The following UQCRC1 variants were observed in gnomAD, a reference collection of about 807,000 sequenced individuals.
The protein encoded by UQCRC1 is cytochrome b-c1 complex subunit 1, mitochondrial.
A neutral mutation model predicts 58.0 loss-of-function variants in UQCRC1; 34 were observed. The ratio of observed to expected loss-of-function variants is 0.59; its 90% CI spans 0.45 to 0.78. The LOEUF is 0.78. Among genes scored for constraint, UQCRC1 ranks in the 30% least tolerant of loss-of-function variants. The pLI is 0.00. For missense variants in UQCRC1, 610 were observed against 646.0 expected (o/e 0.94, Z 0.60); for synonymous variants, 276 against 248.8 (o/e 1.11, Z -1.03).
chr3:48,599,644 C>T lies in UQCRC1; in HGVS notation c.1369G>A (p.Ala457Thr), dbSNP rs2046343573. The T allele has an allele frequency of 6.2e-7, 1 of 1,613,902 alleles. No homozygotes were observed. ...KYIYDQCPAVAGYGPIEQLPD... is the reference protein window; with the variant it reads ...KYIYDQCPAVTGYGPIEQLPD... Reference sequence around the variant, plus strand: ...CCCCTAGGCCACTTACCATATCCAGCCACTGCTGGGCACTGGTCATAGATG... The same window carrying T: ...CCCCTAGGCCACTTACCATATCCAGTCACTGCTGGGCACTGGTCATAGATG... The change falls in exon 12 of 13, where the codon GCT becomes ACT. Residue 457 changes from alanine (A) to threonine (T), a missense_variant. Physicochemically the swap from Ala to Thr is moderately conservative, Grantham distance 58 (BLOSUM62 0). Transcript: ENST00000203407.
At chr3:48,604,856 C>A (rs2046397675) in intron 3 of UQCRC1, 76 bp from the exon 4 acceptor site, 2 of 1,583,054 alleles carry the variant, frequency 1.3e-6, no homozygotes, top group South Asian at 1.1e-5. Flanking sequence ...GGCTAAACAC[C>A]CAGCAGGACC....
At chr3:48,600,885 C>A in intron 8 of UQCRC1, 45 bp from the exon 9 acceptor site, 3 of 1,612,608 alleles carry the variant, frequency 1.9e-6, no homozygotes, top group Non-Finnish European at 2.5e-6. Flanking sequence ...TTGTCTTCAA[C>A]GCACACTGTG....
rs769861368 is a variant in UQCRC1 at position 48,601,008 on chromosome 3, G to A, written c.933C>T (p.Ile311=). 1.7e-5 allele frequency: 28 copies of A among 1,607,804 alleles called. No individual in the cohort carries two copies. The highest frequency in any genetic ancestry group is 3.3e-4 in the Middle Eastern group (2 of 6,066). The change falls in exon 8 of 13, where the codon ATC becomes ATT. Residue 311 remains isoleucine (I), a synonymous_variant. Transcript: ENST00000203407. ...CACCATAAGTGCAGTCATAGTGGCCGATGATGGCATTGGCCACTTGCAAGG... is the reference window on the plus strand; with the variant it reads ...CACCATAAGTGCAGTCATAGTGGCCAATGATGGCATTGGCCACTTGCAAGG... ...NVALQVANAI[I]GHYDCTYGGG...
intron 3 of UQCRC1, 58 bp from the exon 4 acceptor site, chr3:48,604,838 T>G: frequency 3.1e-6 from 5 of 1,605,216 alleles, no homozygotes; most frequent in Non-Finnish European, 4.2e-6. Flanking sequence ...AAGAACCCTG[T>G]CCTCAGAGGC....
chr3:48,601,201 T>C lies in UQCRC1; in HGVS notation c.823-83A>G, dbSNP rs993016387. 3.2e-6 allele frequency: 5 copies of C among 1,550,438 alleles called. No homozygotes were observed. In the South Asian group the frequency reaches 3.7e-5, roughly 11 times the overall value. ...GTGGCAGGTGTGGGTAGAGGGTGTA[T>C]GTGTGTGAACATGTGTGCCTGTGAT... is the stretch of plus-strand genomic sequence containing the variant. On this transcript the variant is annotated intron_variant, in intron 7 of 12. Coordinates refer to ENST00000203407, the MANE Select transcript of UQCRC1 (RefSeq NM_003365.3).
chr3:48,609,012 T>A (rs1161602975), intron 2 of UQCRC1, 150 bp downstream of exon 2: 36 of 1,045,684 alleles, frequency 3.4e-5, no homozygotes, highest in South Asian at 7.2e-5. Flanking sequence ...GTGGCTAGGG[T>A]AGGGAATGGG....
chr3:48,601,168 C>A, intron 7 of UQCRC1, 50 bp from the exon 8 acceptor site: 1 of 1,571,304 alleles, frequency 6.4e-7, no homozygotes, highest in Non-Finnish European at 8.7e-7. Context: ...GCCAGGGGAA[C>A]AGAAAAGGTG....
Position 48,601,045 on chromosome 3 carries a change from G to A in UQCRC1, c.896C>T (p.Pro299Leu), listed in dbSNP as rs377250868. The A allele has an allele frequency of 5.0e-6, 8 of 1,611,216 alleles. No individual in the cohort carries two copies. The highest frequency in any genetic ancestry group is 4.5e-5 in the East Asian group (2 of 44,770). Residue 299 changes from proline (P) to leucine (L), a missense_variant, in exon 8 of 13, where the codon CCG becomes CTG. Pro to Leu is a moderately conservative substitution (Grantham distance 98). Transcript: ENST00000203407. Reference protein sequence around the residue: ...IAVEGPGWASPDNVALQVANA... With the variant: ...IAVEGPGWASLDNVALQVANA... ...GGCCACTTGCAAGGCCACATTGTCC[G>A]GGCTGGCCCAGCCAGGACCCTCTAC...
chr3:48,609,389 C>G, intron 1 of UQCRC1, 87 bp from the exon 2 acceptor site: 1 of 1,533,402 alleles, frequency 6.5e-7, no homozygotes, highest in Non-Finnish European at 8.8e-7. Context: ...CCGAACCCCG[C>G]CCCTAGGCAA....
rs777840697 is a variant in UQCRC1, at chr3:48,604,407, A to T, written c.452T>A (p.Val151Glu). Residue 151 changes from valine (V) to glutamate (E), a missense_variant, in exon 5 of 13, where the codon GTG (valine) becomes GAG (glutamate). Coordinates refer to ENST00000203407, the MANE Select transcript of UQCRC1 (RefSeq NM_003365.3). Reference sequence around the variant, plus strand: ...TGAGTCTTCCAGACTACAGTTCTGCACAATGTCACCCAGGAGCTCCACAGC... The same window carrying T: ...TGAGTCTTCCAGACTACAGTTCTGCTCAATGTCACCCAGGAGCTCCACAGC... ...PKAVELLGDI[V>E]QNCSLEDSQI... is the part of the protein sequence containing the mutation. 1 of 1,614,150 alleles carries T rather than the reference A, an allele frequency of 6.2e-7. No individual in the cohort carries two copies. Among genetic ancestry groups the T allele is most frequent in the African/African-American group, 1.3e-5 (1 of 75,048 alleles).
At chr3:48,602,347 G>T (rs1055704428) in intron 6 of UQCRC1, among the ~76,000 whole-genome samples, 2 of 150,752 alleles carry the variant, frequency 1.3e-5, no homozygotes, top group Non-Finnish European at 3.0e-5. Flanking sequence ...CACCGCGCCC[G>T]GCCTGCGTTG....
At position 48,600,699 on chromosome 3, in the gene UQCRC1, A is replaced by T. The variant is rs764966340; in HGVS notation, c.1108T>A (p.Phe370Ile). The T allele has an allele frequency of 2.5e-6, 4 of 1,614,046 alleles. No individual in the cohort carries two copies. In the East Asian group the frequency reaches 8.9e-5, roughly 36 times the overall value. Residue 370 changes from phenylalanine (F) to isoleucine (I), a missense_variant, in exon 9 of 13, where the codon TTC (phenylalanine) becomes ATC (isoleucine). Phe to Ile is a conservative substitution (Grantham distance 21, BLOSUM62 0). Coordinates refer to ENST00000203407, the MANE Select transcript of UQCRC1 (RefSeq NM_003365.3). ...ACTTACCACTGCCCTTGCAGGACGA[A>T]CATCATGTCATCGATTTTCATTCGG... ...CDRMKIDDMM[F>I]VLQGQWMRLC...
At chr3:48,600,874 CTT>C (rs757234390) in intron 8 of UQCRC1, 34 bp from the exon 9 acceptor site, 88 of 1,613,294 alleles carry the variant, frequency 5.5e-5, no homozygotes, top group East Asian at 2.5e-4. Flanking sequence ...CACCCACCCT[CTT>C]GTCTTCAACG....
In UQCRC1 at chr3:48,604,962, C is replaced by T. The variant is rs565837824; in HGVS notation, c.298-182G>A. ...TAAGCAGGCCTTGAGGTGACCAAAA[C>T]CATGGCATCATGCGCCAACAGAACA... is the stretch of plus-strand genomic sequence containing the variant. On this transcript the variant is annotated intron_variant, in intron 3 of 12. Coordinates refer to ENST00000203407, the MANE Select transcript of UQCRC1 (RefSeq NM_003365.3). Among the ~76,000 whole-genome samples the T allele has an allele frequency of 5.3e-5, 8 of 152,324 alleles. No individual in the cohort carries two copies. The South Asian group carries it at 1.7e-3, about 32-fold the overall frequency.
chr3:48,604,588 G>A, intron 4 of UQCRC1, 63 bp downstream of exon 4: 1 of 1,608,186 alleles, frequency 6.2e-7, no homozygotes, highest in Non-Finnish European at 8.5e-7. Flanking sequence ...TCAGCCAGGG[G>A]CTCCTAGGTA....
At chr3:48,603,955 G>A (rs1374368110) in intron 5 of UQCRC1, 2 of 585,464 alleles carry the variant, frequency 3.4e-6, no homozygotes, top group East Asian at 2.8e-5. Flanking sequence ...ATCCACAAAG[G>A]AGACAAGAGA....
chr3:48,609,515 C>T, intron 1 of UQCRC1, 37 bp downstream of exon 1: 1 of 1,546,398 alleles, frequency 6.5e-7, no homozygotes, highest in South Asian at 1.2e-5. Flanking sequence ...TTCCCGAAGC[C>T]CTGTCCCGAA....
chr3:48,600,049 G>A lies in UQCRC1; in HGVS notation c.1302+14C>T. On this transcript the variant is annotated intron_variant, in intron 11 of 12. Coordinates refer to ENST00000203407, the MANE Select transcript of UQCRC1 (RefSeq NM_003365.3). The stretch of plus-strand genomic sequence containing the variant: ...GGCCAAGACTCCAGAACCTCTCCCA[G>A]GGGTCCATGTTACCGCAATCCGGCT... 2 of 1,614,036 alleles carry A rather than the reference G, an allele frequency of 1.2e-6. No individual in the cohort carries two copies. The highest frequency in any genetic ancestry group is 8.5e-7 in the Non-Finnish European group (1 of 1,179,982).
At chr3:48,601,720 T>C (rs1040109749) in intron 6 of UQCRC1, among the ~76,000 whole-genome samples, 28 of 152,192 alleles carry the variant, frequency 1.8e-4, no homozygotes, top group African/African-American at 5.6e-4. Flanking sequence ...AGTTTCAAAA[T>C]GGGCTGCCAT....
Sources: gnomAD v4.1 joint callset for allele counts (sites outside exome capture counted in the v4.1 genomes callset) on GRCh38, gnomAD v4.1.1 for gene constraint, MANE v1.5 for transcripts, NCBI Gene and HGNC (gene_info 2026-07-23, HGNC 2026-07-21) for gene names.